GCNT1: variants seen among roughly 807,000 people sequenced by gnomAD.
The protein encoded by GCNT1 is glucosaminyl (N-acetyl) transferase 1, also known as beta-1,3-galactosyl-O-glycosyl-glycoprotein beta-1,6-N-acetylglucosaminyltransferase.
In GCNT1, 16 loss-of-function variants were observed where a neutral mutation model predicts 26.2. The ratio of observed to expected loss-of-function variants is 0.61; its 90% CI spans 0.41 to 0.93. GCNT1 has a LOEUF of 0.93. GCNT1 is among the 40% of genes least tolerant of loss of function. GCNT1 has a pLI of 0.00. For synonymous variants in GCNT1, 183 were observed against 190.8 expected, an observed-to-expected ratio of 0.96 and a Z score of 0.34; for missense variants, 477 against 526.7, an observed-to-expected ratio of 0.91 and a Z score of 0.92.
chr9:76,435,889 A>G (rs1038190817), intron 1 of GCNT1, among the ~76,000 whole-genome samples: 1 of 151,608 alleles, frequency 6.6e-6, no homozygotes. Flanking sequence ...TTATTGGTAC[A>G]TTCAATCCTG....
chr9:76,412,660 A>G, the GCNT1 span, among the ~76,000 whole-genome samples: 1 of 152,126 alleles, frequency 6.6e-6, no homozygotes, highest in Non-Finnish European at 1.5e-5. Context: ...TAATTTTCTC[A>G]TATTGGAAAC....
intron 2 of GCNT1, among the ~76,000 whole-genome samples, chr9:76,465,494 C>T (rs930212829): frequency 3.3e-5 from 5 of 152,152 alleles, no homozygotes; most frequent in Non-Finnish European, 7.3e-5. Context: ...CCTGCTGGCA[C>T]GTTTGGTGTC....
chr9:76,507,152 T>G lies in GCNT1; in HGVS notation c.*3484T>G, dbSNP rs929746983. The stretch of plus-strand genomic sequence containing the variant: ...GCTCATGTTATTTACTGAATACTGT[T>G]GTGAAAGTGAAAAACAATGATTGTA... On this transcript the variant is annotated 3_prime_UTR_variant, in exon 4 of 4. Coordinates refer to ENST00000376730, the MANE Select transcript of GCNT1 (RefSeq NM_001490.5). The G allele has an allele frequency of 6.0e-6, 1 of 167,030 alleles. No individual in the cohort carries two copies. Among genetic ancestry groups the G allele is most frequent in the Non-Finnish European group, 1.5e-5 (1 of 68,102 alleles). The allele number at this position is 167,030 out of a possible 1,614,324, so 10.3% of individuals were successfully genotyped here.
rs139014455 is a variant in GCNT1, at chr9:76,502,654, C to T, written c.273C>T (p.Asp91=). The change falls in exon 4 of 4, where the codon GAC becomes GAT. Residue 91 remains aspartate, a synonymous_variant. Transcript: ENST00000376730. Reference sequence around the variant, plus strand: ...AAAAGCGCCCTCGGTGGACACCTGACGACTATATAAACATGACCAGTGACT... The same window carrying T: ...AAAAGCGCCCTCGGTGGACACCTGATGACTATATAAACATGACCAGTGACT... ...KFKKRPRWTP[D]DYINMTSDCS... 1.3e-5 allele frequency: 21 copies of T among 1,613,878 alleles called. No individual in the cohort carries two copies. The highest frequency in any genetic ancestry group is 8.0e-5 in the African/African-American group (6 of 74,844).
At chr9:76,482,202 A>G (rs915209060) in intron 2 of GCNT1, among the ~76,000 whole-genome samples, 4 of 152,256 alleles carry the variant, frequency 2.6e-5, no homozygotes, top group Middle Eastern at 3.4e-3. Flanking sequence ...CCCAACAAAG[A>G]GTTGTACTTA....
At chr9:76,412,779 C>CA in the GCNT1 span, among the ~76,000 whole-genome samples, 1 of 152,166 alleles carries the variant, frequency 6.6e-6, no homozygotes, top group Non-Finnish European at 1.5e-5. Context: ...GTGACCACCT[C>CA]CCTATCAGAC....
the GCNT1 span, among the ~76,000 whole-genome samples, chr9:76,405,138 G>A: frequency 1.2e-3 from 185 of 152,284 alleles, no homozygotes; most frequent in Admixed American, 3.0e-3. Context: ...AAATTTTGAG[G>A]TGGTTTGTTC....
At chr9:76,443,221 C>CTT (rs1823508335) in intron 1 of GCNT1, among the ~76,000 whole-genome samples, 1 of 152,030 alleles carries the variant, frequency 6.6e-6, no homozygotes, top group South Asian at 2.1e-4. Flanking sequence ...TTGGGGAGAC[C>CTT]CTAACCCAGT....
At chr9:76,399,525 G>A in the GCNT1 span, 1 of 1,584,274 alleles carries the variant, frequency 6.3e-7, no homozygotes, top group Non-Finnish European at 8.6e-7. Flanking sequence ...ACGGAAGACT[G>A]GTCTGCAGCT....
intron 1 of GCNT1, among the ~76,000 whole-genome samples, chr9:76,451,154 T>G (rs999100051): frequency 6.6e-6 from 1 of 152,242 alleles, no homozygotes. Context: ...TTCTTTTCAA[T>G]GTAATTTGAT....
upstream of GCNT1, chr9:76,441,630 A>G (rs1823485124): frequency 6.6e-6 from 1 of 152,332 alleles, no homozygotes; most frequent in Admixed American, 6.5e-5. Flanking sequence ...CGTATGTGGG[A>G]AATTTGAGAC....
chr9:76,441,560 ATTT>A (rs1823484243), upstream of GCNT1: 1 of 152,192 alleles, frequency 6.6e-6, no homozygotes, highest in Non-Finnish European at 1.5e-5. Flanking sequence ...CATTATAACA[ATTT>A]TGTTCAAAAC....
chr9:76,461,649 A>T (rs1360047330), intron 2 of GCNT1, among the ~76,000 whole-genome samples: 2 of 151,764 alleles, frequency 1.3e-5, no homozygotes, highest in African/African-American at 4.8e-5. Flanking sequence ...ACATTTTGGG[A>T]GGCTGAGGCA....
At chr9:76,452,765 G>A (rs759111872) in intron 1 of GCNT1, among the ~76,000 whole-genome samples, 1 of 152,062 alleles carries the variant, frequency 6.6e-6, no homozygotes, top group African/African-American at 2.4e-5. Flanking sequence ...ACTACAATTC[G>A]ATATGAGATT....
rs979611357 is a variant in GCNT1 at position 76,503,757 on chromosome 9, G to A, written c.*89G>A. ...CTTCCTTGTCAGCATCGGGAAGATG[G>A]TATGAAGTCCTCTTTGGGGCAGGGA... is the stretch of plus-strand genomic sequence containing the variant. On this transcript the variant is annotated 3_prime_UTR_variant, in exon 4 of 4. Coordinates refer to ENST00000376730, the MANE Select transcript of GCNT1 (RefSeq NM_001490.5). 1.1e-5 allele frequency: 12 copies of A among 1,055,510 alleles called. No homozygotes were observed. The highest frequency in any genetic ancestry group is 1.7e-5 in the Non-Finnish European group (12 of 690,270). The allele number at this position is 1,055,510 out of a possible 1,614,324, so 65.4% of individuals were successfully genotyped here.
chr9:76,464,992 T>G (rs947335637), intron 2 of GCNT1, among the ~76,000 whole-genome samples: 6 of 151,472 alleles, frequency 4.0e-5, no homozygotes, highest in Non-Finnish European at 5.9e-5. Context: ...TTTTTTGTTT[T>G]TGAGACAGTC....
At chr9:76,483,891 G>C (rs1824492730) in intron 2 of GCNT1, among the ~76,000 whole-genome samples, 1 of 152,024 alleles carries the variant, frequency 6.6e-6, no homozygotes, top group Admixed American at 6.6e-5. Flanking sequence ...GTTGTTCCAG[G>C]CTGATCTGGA....
intron 1 of GCNT1, among the ~76,000 whole-genome samples, chr9:76,424,302 C>T (rs529816317): frequency 6.6e-5 from 10 of 152,142 alleles, no homozygotes; most frequent in Non-Finnish European, 1.2e-4. Context: ...GAGCCTGCCT[C>T]GGGTGCACAT....
At chr9:76,467,989 C>T (rs568391246) in intron 2 of GCNT1, among the ~76,000 whole-genome samples, 1 of 144,260 alleles carries the variant, frequency 6.9e-6, no homozygotes, top group Admixed American at 7.2e-5. Context: ...TCACTGTAAC[C>T]TCCACCTCCC....
Sources: gnomAD v4.1 joint callset for allele counts (sites outside exome capture counted in the v4.1 genomes callset) on GRCh38, gnomAD v4.1.1 for gene constraint, MANE v1.5 for transcripts, NCBI Gene and HGNC (gene_info 2026-07-23, HGNC 2026-07-21) for gene names.